Variants in CPNE4 observed in about 807,000 individuals in gnomAD.
The protein encoded by CPNE4 is copine-4.
In CPNE4, 25 loss-of-function variants were observed where a neutral mutation model predicts 67.9. The ratio of observed to expected loss-of-function variants is 0.37; its 90% CI spans 0.27 to 0.51. The LOEUF is 0.51. CPNE4 is among the 20% of genes least tolerant of loss of function. The pLI, the probability that CPNE4 is intolerant of heterozygous loss-of-function variation, is 0.93. For missense variants in CPNE4, 464 were observed against 690.8 expected, an observed-to-expected ratio of 0.67 and a Z score of 3.68; for synonymous variants, 242 against 244.9, an observed-to-expected ratio of 0.99 and a Z score of 0.11.
At chr3:131,665,757 A>G (rs2080244825) in intron 7 of CPNE4, among the ~76,000 whole-genome samples, 1 of 152,184 alleles carries the variant, frequency 6.6e-6, no homozygotes, top group African/African-American at 2.4e-5. Context: ...GAGAACAAAT[A>G]TTAGTTTAAG....
intron 2 of CPNE4, among the ~76,000 whole-genome samples, chr3:131,772,352 C>T (rs2083189211): frequency 6.6e-6 from 1 of 152,114 alleles, no homozygotes; most frequent in South Asian, 2.1e-4. Flanking sequence ...TAAGGAACTA[C>T]AGAGTGAGAT....
chr3:131,676,496 A>G (rs569683870), intron 6 of CPNE4, among the ~76,000 whole-genome samples: 2 of 152,212 alleles, frequency 1.3e-5, no homozygotes, highest in East Asian at 1.9e-4. Flanking sequence ...TAAGCCTAGT[A>G]TCCAATAGTT....
intron 3 of CPNE4, among the ~76,000 whole-genome samples, chr3:131,723,097 G>A (rs1044702478): frequency 2.0e-5 from 3 of 152,150 alleles, no homozygotes; most frequent in African/African-American, 7.2e-5. Flanking sequence ...AGTTGGAGAT[G>A]GAAATTTATA....
chr3:131,866,839 G>A (rs756582651), intron 2 of CPNE4, among the ~76,000 whole-genome samples: 19 of 152,286 alleles, frequency 1.2e-4, no homozygotes, highest in Admixed American at 3.3e-4. Flanking sequence ...AAAATTACGC[G>A]AATTAATAAA....
At chr3:131,957,438 G>A (rs1014377705) in intron 1 of CPNE4, among the ~76,000 whole-genome samples, 3 of 152,226 alleles carry the variant, frequency 2.0e-5, no homozygotes, top group Non-Finnish European at 4.4e-5. Context: ...CATGCACAGA[G>A]CCTTTTGCTA....
intron 1 of CPNE4, among the ~76,000 whole-genome samples, chr3:131,926,666 T>G (rs2070904526): frequency 6.6e-6 from 1 of 152,110 alleles, no homozygotes; most frequent in Admixed American, 6.6e-5. Context: ...ATGAATTATT[T>G]TAAAGTTGGT....
At chr3:131,592,637 A>G (rs920580033) in intron 7 of CPNE4, among the ~76,000 whole-genome samples, 1 of 149,240 alleles carries the variant, frequency 6.7e-6, no homozygotes, top group East Asian at 1.9e-4. Flanking sequence ...ATACACACAC[A>G]TATATATGTA....
intron 1 of CPNE4, among the ~76,000 whole-genome samples, chr3:131,967,369 C>A (rs1384677093): frequency 6.6e-6 from 1 of 152,052 alleles, no homozygotes; most frequent in Non-Finnish European, 1.5e-5. Flanking sequence ...GAAGTTCTGG[C>A]CAGGGCAATC....
At chr3:131,709,904 A>C (rs1217915682) in intron 3 of CPNE4, among the ~76,000 whole-genome samples, 1 of 151,988 alleles carries the variant, frequency 6.6e-6, no homozygotes, top group Non-Finnish European at 1.5e-5. Flanking sequence ...TGACATTCCT[A>C]CCTAAATTAG....
chr3:131,554,184 G>A (rs184004298), intron 12 of CPNE4, among the ~76,000 whole-genome samples: 1 of 152,134 alleles, frequency 6.6e-6, no homozygotes, highest in East Asian at 1.9e-4. Flanking sequence ...GAGCTATTCA[G>A]CAGCTCTATG....
At position 131,839,941 on chromosome 3, in the gene CPNE4, T is replaced by G. The variant is rs570377206; in HGVS notation, c.180+65323A>C. 3.3e-4 allele frequency among the ~76,000 whole-genome samples: 51 copies of G among 152,318 alleles called. 1 individual carries two copies. Among genetic ancestry groups the G allele is most frequent in the African/African-American group, 1.1e-3 (45 of 41,588 alleles). ...TTGCAGTTCAATTATCTATCATGTA[T>G]GAGGCCCTATACGAGGCAATGTCAG... On this transcript the variant is annotated intron_variant, in intron 2 of 15. Transcript: ENST00000429747.
At chr3:131,655,189 A>G (rs796884641) in intron 7 of CPNE4, among the ~76,000 whole-genome samples, 6 of 152,336 alleles carry the variant, frequency 3.9e-5, no homozygotes, top group African/African-American at 1.4e-4. Flanking sequence ...CTGAACCAGC[A>G]GCATCAGCAT....
chr3:132,018,206 A>G (rs1354606120), intron 1 of CPNE4, among the ~76,000 whole-genome samples: 2 of 152,236 alleles, frequency 1.3e-5, no homozygotes, highest in South Asian at 2.1e-4. Context: ...TATTGCTGAG[A>G]CCAAGAAGGA....
intron 2 of CPNE4, among the ~76,000 whole-genome samples, chr3:131,796,593 C>G (rs543330392): frequency 1.3e-5 from 2 of 152,328 alleles, no homozygotes; most frequent in Admixed American, 1.3e-4. Flanking sequence ...GTCACTGCCA[C>G]ACATCATCTG....
chr3:131,587,425 G>T, intron 8 of CPNE4, 59 bp downstream of exon 8: 1 of 1,040,690 alleles, frequency 9.6e-7, no homozygotes, highest in Non-Finnish European at 1.5e-6. Flanking sequence ...ATTGGTAGCT[G>T]TGTTCTAAGG....
chr3:131,539,260 G>C (rs1935345460), intron 15 of CPNE4, among the ~76,000 whole-genome samples: 1 of 152,172 alleles, frequency 6.6e-6, no homozygotes, highest in Non-Finnish European at 1.5e-5. Context: ...GTGTAGCACA[G>C]AGACTGTGAG....
At chr3:131,919,289 T>A (rs1225057) in intron 1 of CPNE4, among the ~76,000 whole-genome samples, 33,001 of 152,016 alleles carry the variant, frequency 0.22, 4,047 homozygotes, top group Non-Finnish European at 0.27. Flanking sequence ...AAATTAGAAA[T>A]AACAACAGCA....
intron 2 of CPNE4, among the ~76,000 whole-genome samples, chr3:131,802,483 A>C (rs1190360796): frequency 1.3e-5 from 2 of 152,212 alleles, no homozygotes; most frequent in African/African-American, 2.4e-5. Context: ...CAAATTGCCC[A>C]GCTGCATTTT....
intron 2 of CPNE4, among the ~76,000 whole-genome samples, chr3:131,834,053 C>G (rs977661789): frequency 6.6e-6 from 1 of 152,112 alleles, no homozygotes; most frequent in Non-Finnish European, 1.5e-5. Flanking sequence ...GAGAAAGATA[C>G]AATCACTTAT....
Sources: allele counts gnomAD v4.1 joint callset (sites outside exome capture counted in the v4.1 genomes callset), GRCh38; gene constraint gnomAD v4.1.1; transcripts MANE v1.5; gene names NCBI Gene and HGNC (gene_info 2026-07-23, HGNC 2026-07-21).